Variants in AKR1B1 observed in about 807,000 individuals in gnomAD.
The protein encoded by AKR1B1 is aldo-keto reductase family 1 member B, also known as aldo-keto reductase family 1 member B1.
In AKR1B1, 22 loss-of-function variants were observed where a neutral mutation model predicts 40.4. That is an observed-to-expected ratio of 0.54 (90% confidence interval 0.39 to 0.78). The LOEUF (loss-of-function observed/expected upper bound fraction) is 0.78. Among genes scored for constraint, AKR1B1 ranks in the 30% least tolerant of loss-of-function variants. AKR1B1 has a pLI of 0.00. For missense variants in AKR1B1, 357 were observed against 396.7 expected (o/e 0.90, Z 0.85); for synonymous variants, 157 against 149.9 (o/e 1.05, Z -0.35).
chr7:134,455,776 G>T (rs1358080129), intron 1 of AKR1B1, among the ~76,000 whole-genome samples: 1 of 152,110 alleles, frequency 6.6e-6, no homozygotes, highest in Non-Finnish European at 1.5e-5. Flanking sequence ...TAGAGAGGGG[G>T]TTTCACCATG....
At chr7:134,445,801 T>C (rs977199538) in intron 8 of AKR1B1, among the ~76,000 whole-genome samples, 3 of 152,122 alleles carry the variant, frequency 2.0e-5, no homozygotes, top group South Asian at 2.1e-4. Context: ...GAAGAGGAGA[T>C]GGTATTTGAC....
At chr7:134,445,150 T>C in intron 9 of AKR1B1, 88 bp downstream of exon 9, 1 of 1,168,116 alleles carries the variant, frequency 8.6e-7, no homozygotes, top group Non-Finnish European at 1.3e-6. Flanking sequence ...GAGAGCACAT[T>C]GGCGCTGAGG....
At chr7:134,456,445 C>T (rs900767660) in intron 1 of AKR1B1, among the ~76,000 whole-genome samples, 11 of 152,002 alleles carry the variant, frequency 7.2e-5, no homozygotes, top group African/African-American at 9.6e-5. Context: ...ATGATCTGCC[C>T]GCCTCTGCCT....
chr7:134,448,115 G>T, intron 6 of AKR1B1, 54 bp from the exon 7 acceptor site: 1 of 1,443,676 alleles, frequency 6.9e-7, no homozygotes. Context: ...ACTCACAGCA[G>T]CCAGAAACCC....
intron 1 of AKR1B1, among the ~76,000 whole-genome samples, chr7:134,458,479 G>T (rs1562912341): frequency 6.6e-6 from 1 of 152,068 alleles, no homozygotes; most frequent in Admixed American, 6.5e-5. Flanking sequence ...TATTCCTCAG[G>T]GAGGGCAAGA....
intron 1 of AKR1B1, among the ~76,000 whole-genome samples, chr7:134,457,219 G>T (rs1179877198): frequency 6.6e-6 from 1 of 152,042 alleles, no homozygotes; most frequent in Non-Finnish European, 1.5e-5. Context: ...AGCTTCTGGA[G>T]GTATGACAAT....
At position 134,450,678 on chromosome 7, in the gene AKR1B1, C is replaced by T. The variant is rs992471881; in HGVS notation, c.351+108G>A. 10 of 855,660 alleles carry T rather than the reference C, an allele frequency of 1.2e-5. No individual in the cohort carries two copies. In the Admixed American group the frequency reaches 1.2e-4, roughly 10 times the overall value. 53.0% of individuals were successfully genotyped at this position (855,660 alleles called of 1,614,324 possible). Reference sequence around the variant, plus strand: ...GATGGTCCACTGGCTATACCTTGAGCAGCAAGAACAGAAAGTCACCCACAC... The same window carrying T: ...GATGGTCCACTGGCTATACCTTGAGTAGCAAGAACAGAAAGTCACCCACAC... On this transcript the variant is annotated intron_variant, in intron 3 of 9. Transcript: ENST00000285930.
Position 134,450,350 on chromosome 7 carries a change from C to T in AKR1B1, c.351+436G>A, listed in dbSNP as rs188968235. 7.6e-3 allele frequency among the ~76,000 whole-genome samples: 1,157 copies of T among 152,252 alleles called. 14 individuals carry two copies. The highest frequency in any genetic ancestry group is 0.011 in the Non-Finnish European group (725 of 68,018). ...CAACAACTAGACTGCAAATAGTTAC[C>T]GGGCCTCCACAGGACAGGGTATGCA... is the stretch of plus-strand genomic sequence containing the variant. On this transcript the variant is annotated intron_variant, in intron 3 of 9. Transcript: ENST00000285930.
At chr7:134,451,317 G>A (rs561682010) in intron 2 of AKR1B1, 27 of 561,242 alleles carry the variant, frequency 4.8e-5, no homozygotes, top group South Asian at 4.6e-4. Context: ...CCTTGAAAGC[G>A]ACTCCCTGGA....
chr7:134,444,347 T>C (rs1806031785), intron 9 of AKR1B1, among the ~76,000 whole-genome samples: 1 of 152,202 alleles, frequency 6.6e-6, no homozygotes, highest in Non-Finnish European at 1.5e-5. Flanking sequence ...GCCAGAGTTA[T>C]TGTCCAGGAC....
chr7:134,445,280 A>C lies in AKR1B1; in HGVS notation c.866T>G (p.Leu289Ter). Residue 289 changes from leucine to a stop codon, truncating the protein, a stop_gained, in exon 9 of 10, where the codon TTA (leucine) becomes TGA (stop). Transcript: ENST00000285930. LOFTEE classifies it high-confidence loss of function. ...CCTCCAGTTCCTGTTGTAGCTGAGTAAGGTGGTCATATCCTGGCTGCTCAG... is the reference window on the plus strand; with the variant it reads ...CCTCCAGTTCCTGTTGTAGCTGAGTCAGGTGGTCATATCCTGGCTGCTCAG... Reference protein sequence around the residue: ...FELSSQDMTTLLSYNRNWRVC... With the variant: ...FELSSQDMTT 6.2e-7 allele frequency: 1 copy of C among 1,613,226 alleles called. No homozygotes were observed. The highest frequency in any genetic ancestry group is 8.5e-7 in the Non-Finnish European group (1 of 1,179,842).
chr7:134,448,320 T>G, intron 6 of AKR1B1, 67 bp downstream of exon 6: 3 of 1,382,566 alleles, frequency 2.2e-6, no homozygotes, highest in Non-Finnish European at 3.1e-6. Context: ...TGAGGCTGAA[T>G]TGTTCTTTTT....
At chr7:134,454,103 T>C (rs1377455657) in intron 1 of AKR1B1, among the ~76,000 whole-genome samples, 2 of 152,236 alleles carry the variant, frequency 1.3e-5, no homozygotes, top group East Asian at 1.9e-4. Flanking sequence ...AAATGCAGTA[T>C]ATGAAACACT....
At chr7:134,458,705 G>A (rs1806571146) in intron 1 of AKR1B1, among the ~76,000 whole-genome samples, 1 of 152,154 alleles carries the variant, frequency 6.6e-6, no homozygotes, top group African/African-American at 2.4e-5. Context: ...GCGGACTGGT[G>A]GGCCGCCCAT....
chr7:134,451,866 G>T, intron 1 of AKR1B1, 113 bp from the exon 2 acceptor site: 2 of 1,170,224 alleles, frequency 1.7e-6, no homozygotes, highest in Non-Finnish European at 2.5e-6. Context: ...GTTCAGCAAA[G>T]ACAGACCACG....
At chr7:134,454,854 TTC>T (rs1320557841) in intron 1 of AKR1B1, among the ~76,000 whole-genome samples, 1 of 152,196 alleles carries the variant, frequency 6.6e-6, no homozygotes, top group Non-Finnish European at 1.5e-5. Flanking sequence ...CTTCCTCCTG[TTC>T]TGTTTTAATC....
intron 8 of AKR1B1, among the ~76,000 whole-genome samples, chr7:134,447,052 G>A (rs1412257366): frequency 2.0e-5 from 3 of 152,170 alleles, no homozygotes; most frequent in Non-Finnish European, 2.9e-5. Flanking sequence ...TGTGGCTGAA[G>A]GGCCTGAGCA....
At chr7:134,442,855 C>T in intron 9 of AKR1B1, 85 bp from the exon 10 acceptor site, 1 of 1,299,758 alleles carries the variant, frequency 7.7e-7, no homozygotes, top group Non-Finnish European at 1.1e-6. Context: ...TGATGTGTCT[C>T]ACTGAAGAAA....
intron 2 of AKR1B1, 112 bp from the exon 3 acceptor site, chr7:134,451,014 G>T: frequency 1.2e-6 from 1 of 835,702 alleles, no homozygotes; most frequent in Non-Finnish European, 2.0e-6. Context: ...CCATGATGCT[G>T]TGAATGGTTG....
Sources: allele counts gnomAD v4.1 joint callset (sites outside exome capture counted in the v4.1 genomes callset), GRCh38; gene constraint gnomAD v4.1.1; transcripts MANE v1.5; gene names NCBI Gene and HGNC (gene_info 2026-07-23, HGNC 2026-07-21).